Variants in ZFYVE28 observed in about 807,000 individuals in gnomAD.
ZFYVE28 encodes zinc finger FYVE-type containing 28, also known as lateral signaling target protein 2 homolog.
In ZFYVE28, 40 loss-of-function variants were observed where a neutral mutation model predicts 82.1. The ratio of observed to expected loss-of-function variants is 0.49; its 90% confidence interval spans 0.38 to 0.63. The LOEUF (loss-of-function observed/expected upper bound fraction) is 0.63, where lower values mean the gene tolerates loss of function less well. ZFYVE28 is among the 30% of genes least tolerant of loss of function. ZFYVE28 has a pLI of 0.00. For synonymous variants in ZFYVE28, 612 were observed against 546.1 expected, an observed-to-expected ratio of 1.12 and a Z score of -1.68; for missense variants, 1,321 against 1,242.1, an observed-to-expected ratio of 1.06 and a Z score of -0.96.
At chr4:2,345,771 G>C (rs913336983) in intron 2 of ZFYVE28, among the ~76,000 whole-genome samples, 2 of 151,332 alleles carry the variant, frequency 1.3e-5, no homozygotes, top group Admixed American at 6.6e-5. Context: ...CCAATAAAAA[G>C]AGAAAATCTT....
intron 7 of ZFYVE28, among the ~76,000 whole-genome samples, chr4:2,311,450 TG>T (rs972221393): frequency 3.9e-5 from 6 of 152,194 alleles, no homozygotes; most frequent in Non-Finnish European, 8.8e-5. Flanking sequence ...TGTTTAAACC[TG>T]GGAGGCAGAG....
At chr4:2,290,669 G>C (rs1294127584) in intron 8 of ZFYVE28, among the ~76,000 whole-genome samples, 2 of 152,300 alleles carry the variant, frequency 1.3e-5, no homozygotes, top group African/African-American at 4.8e-5. Flanking sequence ...AGCTCCTCTG[G>C]GACGGCCTCA....
At chr4:2,399,536 A>C (rs910757725) in intron 1 of ZFYVE28, among the ~76,000 whole-genome samples, 1 of 152,224 alleles carries the variant, frequency 6.6e-6, no homozygotes, top group Admixed American at 6.5e-5. Context: ...GTTTTCTGCC[A>C]AGTCCCAAGC....
At chr4:2,391,866 G>T (rs916159587) in intron 1 of ZFYVE28, among the ~76,000 whole-genome samples, 12 of 151,508 alleles carry the variant, frequency 7.9e-5, no homozygotes, top group Non-Finnish European at 1.5e-4. Context: ...CTCCCGAGTA[G>T]CTGGGATTAC....
At chr4:2,369,744 A>G (rs1353347919) in intron 1 of ZFYVE28, among the ~76,000 whole-genome samples, 3 of 151,756 alleles carry the variant, frequency 2.0e-5, no homozygotes, top group Admixed American at 6.6e-5. Flanking sequence ...GAAGGCAAGG[A>G]GCGACCCTCC....
chr4:2,317,502 C>G (rs1718403535), intron 7 of ZFYVE28, among the ~76,000 whole-genome samples: 1 of 152,186 alleles, frequency 6.6e-6, no homozygotes, highest in Middle Eastern at 3.2e-3. Context: ...GCTGCACTCT[C>G]TGCCTTCTCA....
At chr4:2,368,319 T>C (rs1337795248) in intron 1 of ZFYVE28, among the ~76,000 whole-genome samples, 1 of 151,928 alleles carries the variant, frequency 6.6e-6, no homozygotes, top group African/African-American at 2.4e-5. Flanking sequence ...GGAAGATCGC[T>C]TGAGCCCGGG....
intron 1 of ZFYVE28, among the ~76,000 whole-genome samples, chr4:2,375,040 T>C (rs771196099): frequency 6.6e-6 from 1 of 152,168 alleles, no homozygotes; most frequent in Non-Finnish European, 1.5e-5. Flanking sequence ...CTTATGAAAG[T>C]GTAAACTCAG....
At chr4:2,400,085 C>T (rs1731012564) in intron 1 of ZFYVE28, among the ~76,000 whole-genome samples, 1 of 152,232 alleles carries the variant, frequency 6.6e-6, no homozygotes, top group Admixed American at 6.5e-5. Flanking sequence ...CTCCTCAGGG[C>T]GGGCACAGAA....
At chr4:2,297,124 G>T (rs1195446025) in intron 8 of ZFYVE28, among the ~76,000 whole-genome samples, 1 of 152,278 alleles carries the variant, frequency 6.6e-6, no homozygotes, top group Non-Finnish European at 1.5e-5. Flanking sequence ...TGCCAGCCCA[G>T]CAGCAGGTGA....
intron 1 of ZFYVE28, among the ~76,000 whole-genome samples, chr4:2,387,913 G>A (rs1669338494): frequency 6.6e-6 from 1 of 152,246 alleles, no homozygotes; most frequent in African/African-American, 2.4e-5. Context: ...CTGAGCCTGG[G>A]AAGCCCTGGA....
At position 2,305,194 on chromosome 4, in the gene ZFYVE28, C is replaced by T; in HGVS notation, c.1146G>A (p.Glu382=). 2 of 1,601,620 alleles carry T rather than the reference C, an allele frequency of 1.2e-6. No individual in the cohort carries two copies. Among genetic ancestry groups the T allele is most frequent in the Non-Finnish European group, 1.7e-6 (2 of 1,172,006 alleles). The change falls in exon 8 of 13, where the codon GAG becomes GAA. Residue 382 remains glutamate (E), a synonymous_variant. Coordinates refer to ENST00000290974, the MANE Select transcript of ZFYVE28 (RefSeq NM_020972.3). ...RPGAEGSPGG[E]ASPGRPRLRS... is the part of the protein sequence containing the mutation. ...GCAGGCGCGGTCTACCTGGAGAGGC[C>T]TCCCCGCCTGGGCTGCCCTCCGCTC... is the stretch of plus-strand genomic sequence containing the variant.
Position 2,274,095 on chromosome 4 carries a change from C to A in ZFYVE28, c.2173G>T (p.Asp725Tyr), listed in dbSNP as rs755797049. 6.2e-7 allele frequency: 1 copy of A among 1,613,432 alleles called. No homozygotes were observed. Among genetic ancestry groups the A allele is most frequent in the Non-Finnish European group, 8.5e-7 (1 of 1,179,630 alleles). Residue 725 changes from aspartate (D) to tyrosine (Y), a missense_variant, in exon 9 of 13, where the codon GAC (aspartate) becomes TAC (tyrosine). Physicochemically the swap from Asp to Tyr is radical, Grantham distance 160. Around this residue, in one of 2 missense-constraint regions of ZFYVE28, gnomAD observed 978 missense variants for 833.7 expected, o/e 1.17. Transcript: ENST00000290974. ...KIRSRFHGSH[D>Y]LIHRLFVCIS... ...CAGACGAACAGGCGGTGGATGAGGT[C>A]GTGGCTGCCGTGGAACCTGGACCGG...
At chr4:2,366,188 G>A (rs1726869017) in intron 1 of ZFYVE28, among the ~76,000 whole-genome samples, 1 of 152,316 alleles carries the variant, frequency 6.6e-6, no homozygotes, top group African/African-American at 2.4e-5. Context: ...AAACATAGGC[G>A]TGAACTCTAC....
chr4:2,307,734 TCCTCCCGCCTTGG>T (rs1406408585), intron 7 of ZFYVE28, among the ~76,000 whole-genome samples: 1 of 152,020 alleles, frequency 6.6e-6, no homozygotes, highest in Non-Finnish European at 1.5e-5. Flanking sequence ...CCTCAAGTGA[TCCTCCCGCCTTGG>T]CCTCCCAAAG....
At chr4:2,415,755 A>G (rs180979235) in intron 1 of ZFYVE28, among the ~76,000 whole-genome samples, 20 of 152,278 alleles carry the variant, frequency 1.3e-4, no homozygotes, top group Admixed American at 1.2e-3. Context: ...TCAATTCATA[A>G]TCCAAGGCAA....
rs141411791 is a variant in ZFYVE28, at chr4:2,341,982, C to T, written c.181-367G>A. ...TTGCAGTGAGCCGAGATGGTGCCATCGCACTCCAGCCAGGGCAATAAAGAG... is the reference window on the plus strand; with the variant it reads ...TTGCAGTGAGCCGAGATGGTGCCATTGCACTCCAGCCAGGGCAATAAAGAG... On this transcript the variant is annotated intron_variant, in intron 2 of 12. Transcript: ENST00000290974. The surrounding 1 kb of genome is among the most constrained non-coding windows in gnomAD (Gnocchi z 4.5). Among the ~76,000 whole-genome samples, 1,077 of 152,292 alleles carry T rather than the reference C, an allele frequency of 7.1e-3. 13 individuals carry two copies. The highest frequency in any genetic ancestry group is 0.023 in the African/African-American group (936 of 41,564).
chr4:2,402,123 A>G (rs1013317351), intron 1 of ZFYVE28, among the ~76,000 whole-genome samples: 1 of 152,140 alleles, frequency 6.6e-6, no homozygotes, highest in African/African-American at 2.4e-5. Flanking sequence ...TGGAGGAGGG[A>G]CTTGCTCAGC....
intron 1 of ZFYVE28, among the ~76,000 whole-genome samples, chr4:2,398,527 G>C (rs1442002372): frequency 6.6e-6 from 1 of 152,188 alleles, no homozygotes; most frequent in Non-Finnish European, 1.5e-5. Flanking sequence ...AGCACTGCAG[G>C]AAGCTCTTGA....
Sources: gnomAD v4.1 joint callset for allele counts (sites outside exome capture counted in the v4.1 genomes callset) on GRCh38, gnomAD v4.1.1 for gene constraint, gnomAD v4.1.1 regional missense constraint, Gnocchi (gnomAD v3.1) non-coding constraint, MANE v1.5 for transcripts, NCBI Gene and HGNC (gene_info 2026-07-23, HGNC 2026-07-21) for gene names.